Variants in ERC2 observed in about 807,000 individuals in gnomAD.
ERC2 encodes ELKS/RAB6-interacting/CAST family member 2, also known as ERC protein 2.
In ERC2, 42 loss-of-function variants were observed where a neutral mutation model predicts 114.8. That is an observed-to-expected ratio of 0.37 (90% confidence interval 0.29 to 0.47). The LOEUF is 0.47. Among genes scored for constraint, ERC2 ranks in the 20% least tolerant of loss-of-function variants. The pLI is 0.99. For synonymous variants in ERC2, 454 were observed against 425.5 expected, an observed-to-expected ratio of 1.07 and a Z score of -0.82; for missense variants, 939 against 1,150.7, an observed-to-expected ratio of 0.82 and a Z score of 2.66.
rs567182034 is a variant in ERC2 at position 56,287,531 on chromosome 3, A to G, written c.1074+8488T>C. Among the ~76,000 whole-genome samples the G allele has an allele frequency of 1.6e-4, 24 of 152,312 alleles. No individual in the cohort carries two copies. In the South Asian group the frequency reaches 4.8e-3, roughly 30 times the overall value. Reference sequence around the variant, plus strand: ...AATCTTCCCGCTGCTCTATGACCTCACGGATTTATAGTCCCCAATTCAACA... The same window carrying G: ...AATCTTCCCGCTGCTCTATGACCTCGCGGATTTATAGTCCCCAATTCAACA... On this transcript the variant is annotated intron_variant, in intron 3 of 17. Coordinates refer to ENST00000288221, the MANE Select transcript of ERC2 (RefSeq NM_015576.3).
chr3:56,389,140 AT>A (rs1425120369), intron 2 of ERC2, among the ~76,000 whole-genome samples: 1 of 152,190 alleles, frequency 6.6e-6, no homozygotes, highest in Non-Finnish European at 1.5e-5. Flanking sequence ...AAAGCAAAAA[AT>A]ATAAGCCAGT....
intron 15 of ERC2, among the ~76,000 whole-genome samples, chr3:55,702,704 T>C (rs1209905040): frequency 4.6e-5 from 7 of 152,170 alleles, no homozygotes; most frequent in African/African-American, 1.2e-4. Flanking sequence ...ACAGGGATAC[T>C]GTTTGTTCAA....
At chr3:56,030,214 T>G (rs770494319) in intron 7 of ERC2, among the ~76,000 whole-genome samples, 4 of 152,194 alleles carry the variant, frequency 2.6e-5, no homozygotes, top group Non-Finnish European at 5.9e-5. Context: ...GTGAGGTGTG[T>G]TCTGCAATGC....
intron 3 of ERC2, among the ~76,000 whole-genome samples, chr3:56,215,171 T>G (rs1004327953): frequency 2.0e-5 from 3 of 152,152 alleles, no homozygotes; most frequent in African/African-American, 7.2e-5. Context: ...ATTGGCTAAA[T>G]GCTCCAATTA....
intron 14 of ERC2, among the ~76,000 whole-genome samples, chr3:55,754,178 AT>A (rs11293885): frequency 0.65 from 97,045 of 150,452 alleles, 31,805 homozygotes; most frequent in African/African-American, 0.76. Context: ...TAAGAAAACT[AT>A]TTTTTTTTTT....
chr3:56,368,714 G>T (rs896099343), intron 2 of ERC2, among the ~76,000 whole-genome samples: 1 of 151,784 alleles, frequency 6.6e-6, no homozygotes, highest in Non-Finnish European at 1.5e-5. Flanking sequence ...TATTACAACG[G>T]AATCATGTAC....
At chr3:56,418,855 G>A (rs2061275770) in intron 2 of ERC2, among the ~76,000 whole-genome samples, 1 of 152,184 alleles carries the variant, frequency 6.6e-6, no homozygotes, top group South Asian at 2.1e-4. Context: ...TGGATGTTAG[G>A]AGGATACTGT....
chr3:55,851,272 A>G (rs2061560932), intron 14 of ERC2, among the ~76,000 whole-genome samples: 1 of 152,100 alleles, frequency 6.6e-6, no homozygotes, highest in Non-Finnish European at 1.5e-5. Flanking sequence ...GCAGGCTCCT[A>G]CGTGGCCTCC....
chr3:56,239,955 C>G (rs897979993), intron 3 of ERC2, among the ~76,000 whole-genome samples: 3 of 152,124 alleles, frequency 2.0e-5, no homozygotes, highest in African/African-American at 4.8e-5. Context: ...TCTTCATAGT[C>G]CATTTTAATT....
At chr3:56,052,021 C>G (rs1242959929) in intron 7 of ERC2, among the ~76,000 whole-genome samples, 3 of 152,148 alleles carry the variant, frequency 2.0e-5, no homozygotes, top group Admixed American at 2.0e-4. Flanking sequence ...GAAAACCAGA[C>G]TTTGAGAAAT....
chr3:56,165,243 T>C (rs1429248198), intron 4 of ERC2, among the ~76,000 whole-genome samples: 1 of 151,902 alleles, frequency 6.6e-6, no homozygotes, highest in Admixed American at 6.6e-5. Flanking sequence ...ATATATTATA[T>C]ATGTTCTTTT....
At chr3:55,539,480 T>G (rs1292762418) in intron 17 of ERC2, among the ~76,000 whole-genome samples, 1 of 132,602 alleles carries the variant, frequency 7.5e-6, no homozygotes, top group Non-Finnish European at 1.6e-5. Context: ...TGGAGTGCAG[T>G]GGTGCGATCT....
chr3:55,838,175 G>T (rs1405155401), intron 14 of ERC2, among the ~76,000 whole-genome samples: 2 of 151,434 alleles, frequency 1.3e-5, no homozygotes, highest in African/African-American at 2.4e-5. Context: ...ATCAACAACG[G>T]GATAGAAGAT....
rs1576807679 is a variant in ERC2, at chr3:56,072,322, C to G, written c.1641+8495G>C. 2.0e-5 allele frequency: 3 copies of G among 152,296 alleles called. No individual in the cohort carries two copies. In the South Asian group the frequency reaches 6.2e-4, roughly 32 times the overall value. 9.4% of individuals were successfully genotyped at this position (152,296 alleles called of 1,614,324 possible). On this transcript the variant is annotated intron_variant, in intron 7 of 17. Transcript: ENST00000288221. The stretch of plus-strand genomic sequence containing the variant: ...GAGTAGCTGTGCTCCCCTGTTAGAA[C>G]CCCCAAGCAAGCTGTCAAGACACAC...
intron 7 of ERC2, among the ~76,000 whole-genome samples, chr3:56,079,134 C>T (rs1878928): frequency 0.13 from 20,038 of 151,914 alleles, 1,497 homozygotes; most frequent in South Asian, 0.22. Context: ...TTTAAGCTTT[C>T]TAGTAATTAC....
At chr3:55,679,723 A>G (rs955198131) in intron 17 of ERC2, among the ~76,000 whole-genome samples, 3 of 152,274 alleles carry the variant, frequency 2.0e-5, no homozygotes, top group Non-Finnish European at 2.9e-5. Context: ...TAAAAGCAGC[A>G]GTAGCTACCC....
intron 14 of ERC2, among the ~76,000 whole-genome samples, chr3:55,841,840 T>C (rs982217425): frequency 6.6e-6 from 1 of 152,162 alleles, no homozygotes; most frequent in Non-Finnish European, 1.5e-5. Context: ...TGGGGATCCA[T>C]CCTAGATTTG....
intron 17 of ERC2, among the ~76,000 whole-genome samples, chr3:55,617,459 G>A (rs1375312138): frequency 1.3e-5 from 2 of 152,184 alleles, no homozygotes; most frequent in Admixed American, 1.3e-4. Flanking sequence ...CTCTCAAGGA[G>A]ACTTACCAAG....
At chr3:55,723,472 TATTAAGGGGTAAC>T in intron 15 of ERC2, among the ~76,000 whole-genome samples, 1 of 152,276 alleles carries the variant, frequency 6.6e-6, no homozygotes, top group East Asian at 1.9e-4. Flanking sequence ...TCTAGTGCAT[TATTAAGGGGTAAC>T]ATTGAAAAAA....
Sources: gnomAD v4.1 joint callset for allele counts (sites outside exome capture counted in the v4.1 genomes callset) on GRCh38, gnomAD v4.1.1 for gene constraint, MANE v1.5 for transcripts, NCBI Gene and HGNC (gene_info 2026-07-23, HGNC 2026-07-21) for gene names.